Variants in AKR1E2 observed in about 807,000 individuals in gnomAD.
AKR1E2 encodes 1,5-anhydro-D-fructose reductase.
Under a neutral mutation model 41.9 loss-of-function variants are expected in AKR1E2, and 43 were observed. That is an observed-to-expected ratio of 1.03 (90% CI 0.80 to 1.32). The LOEUF is 1.32. Ranked by LOEUF, AKR1E2 falls within the 40% of genes most tolerant of loss-of-function variation. The pLI, the probability that AKR1E2 is intolerant of heterozygous loss-of-function variation, is 0.00. For synonymous variants in AKR1E2, 121 were observed against 138.9 expected (o/e 0.87, Z 0.91); for missense variants, 423 against 396.5 (o/e 1.07, Z -0.57).
intron 5 of AKR1E2, among the ~76,000 whole-genome samples, chr10:4,838,925 A>G (rs1425437525): frequency 6.6e-6 from 1 of 152,210 alleles, no homozygotes; most frequent in East Asian, 1.9e-4. Context: ...GACACCAGGA[A>G]CACAGGATGC....
At chr10:4,841,208 T>C (rs1438110830) in intron 6 of AKR1E2, among the ~76,000 whole-genome samples, 1 of 152,116 alleles carries the variant, frequency 6.6e-6, no homozygotes, top group Non-Finnish European at 1.5e-5. Context: ...GCACAATGCC[T>C]GAAACAGGGT....
At chr10:4,840,864 C>T (rs1056870442) in intron 6 of AKR1E2, among the ~76,000 whole-genome samples, 3 of 152,176 alleles carry the variant, frequency 2.0e-5, no homozygotes, top group Non-Finnish European at 4.4e-5. Context: ...ATTTTCTTCT[C>T]AGTCCCTTCC....
chr10:4,853,571 C>T, the AKR1E2 span, among the ~76,000 whole-genome samples: 7 of 152,140 alleles, frequency 4.6e-5, no homozygotes, highest in East Asian at 1.9e-4. Context: ...GGTCTGGTTA[C>T]AGCTTAGTTT....
chr10:4,866,724 T>C, the AKR1E2 span, among the ~76,000 whole-genome samples: 1 of 146,594 alleles, frequency 6.8e-6, no homozygotes, highest in South Asian at 2.2e-4. Context: ...CACTGCAGGC[T>C]CCGGGAGCAG....
chr10:4,837,614 T>C, intron 5 of AKR1E2, 33 bp downstream of exon 5: 1 of 1,592,034 alleles, frequency 6.3e-7, no homozygotes, highest in Non-Finnish European at 8.6e-7. Flanking sequence ...GAGTTTAACC[T>C]GTGTGGCTGG....
intron 4 of AKR1E2, 65 bp downstream of exon 4, chr10:4,835,874 C>A: frequency 6.3e-7 from 1 of 1,579,674 alleles, no homozygotes; most frequent in Non-Finnish European, 8.6e-7. Context: ...ATGCAGTGAG[C>A]CCTGAGCTGC....
downstream of AKR1E2, among the ~76,000 whole-genome samples, chr10:4,849,180 C>T (rs933051658): frequency 6.6e-6 from 1 of 152,076 alleles, no homozygotes; most frequent in African/African-American, 2.4e-5. Context: ...ACCAAATTTC[C>T]AGGGAGAGTT....
chr10:4,858,395 T>G, the AKR1E2 span, among the ~76,000 whole-genome samples: 2 of 152,260 alleles, frequency 1.3e-5, no homozygotes, highest in Non-Finnish European at 2.9e-5. Flanking sequence ...TACAGCAGGC[T>G]GAATCCTATA....
At chr10:4,846,407 A>C (rs1019274220) in intron 8 of AKR1E2, among the ~76,000 whole-genome samples, 3 of 152,186 alleles carry the variant, frequency 2.0e-5, no homozygotes, top group Non-Finnish European at 4.4e-5. Context: ...GATCACTCAG[A>C]AAATGTACTC....
chr10:4,829,462 T>A lies in AKR1E2; in HGVS notation c.40-1213T>A, dbSNP rs188144328. Among the ~76,000 whole-genome samples the A allele has an allele frequency of 5.6e-3, 847 of 152,328 alleles. 5 individuals carry two copies. Among genetic ancestry groups the A allele is most frequent in the Non-Finnish European group, 9.2e-3 (629 of 68,006 alleles). On this transcript the variant is annotated intron_variant, in intron 1 of 9. Coordinates refer to ENST00000298375, the MANE Select transcript of AKR1E2 (RefSeq NM_001040177.3). ...GTGACTTTTAATATTTTTGTCTGAT[T>A]TTGATTCAGGGTTATGCTAGTTTTG...
At chr10:4,829,054 T>G (rs1480883559) in intron 1 of AKR1E2, among the ~76,000 whole-genome samples, 1 of 152,166 alleles carries the variant, frequency 6.6e-6, no homozygotes, top group Non-Finnish European at 1.5e-5. Flanking sequence ...TCTTCTTAGT[T>G]GTTCAGGTGC....
intron 1 of AKR1E2, among the ~76,000 whole-genome samples, chr10:4,828,065 G>A (rs907014337): frequency 6.6e-6 from 1 of 152,146 alleles, no homozygotes; most frequent in Non-Finnish European, 1.5e-5. Context: ...ATTTTTAATA[G>A]TGAATAAACA....
chr10:4,830,835 C>T lies in AKR1E2; in HGVS notation c.200C>T (p.Ala67Val), dbSNP rs765683675. ...GAVRREDLFI[A>V]TKLWCTCHKK... Reference sequence around the variant, plus strand: ...GTAAGACGGGAGGATCTGTTCATTGCCACTAAGGTAGGGCTTCTCTATGCA... The same window carrying T: ...GTAAGACGGGAGGATCTGTTCATTGTCACTAAGGTAGGGCTTCTCTATGCA... Residue 67 changes from alanine (A) to valine (V), a missense_variant, in exon 2 of 10, where the codon GCC becomes GTC. Transcript: ENST00000298375. The T allele has an allele frequency of 5.0e-6, 8 of 1,613,928 alleles. No homozygotes were observed. Among genetic ancestry groups the T allele is most frequent in the Non-Finnish European group, 6.8e-6 (8 of 1,179,964 alleles).
intron 8 of AKR1E2, among the ~76,000 whole-genome samples, chr10:4,846,595 G>T (rs994215671): frequency 2.0e-5 from 3 of 151,558 alleles, no homozygotes; most frequent in African/African-American, 7.3e-5. Context: ...ATCCAAGCTG[G>T]AGTGCAGTGG....
Position 4,841,667 on chromosome 10 carries a change from G to T in AKR1E2, c.681-118G>T, listed in dbSNP as rs112765066. 9.8e-3 allele frequency: 6,947 copies of T among 711,154 alleles called. 40 individuals carry two copies. The highest frequency in any genetic ancestry group is 0.012 in the Non-Finnish European group (5,547 of 468,172). 44.1% of individuals were successfully genotyped at this position (711,154 alleles called of 1,614,324 possible). On this transcript the variant is annotated intron_variant, in intron 6 of 9. Coordinates refer to ENST00000298375, the MANE Select transcript of AKR1E2 (RefSeq NM_001040177.3). The stretch of plus-strand genomic sequence containing the variant: ...CTGCATTTTAAAATTTCCTGTAGTC[G>T]GCATGTGTCATGATCAGAAAATAAA...
the AKR1E2 span, among the ~76,000 whole-genome samples, chr10:4,856,407 C>A: frequency 1.3e-5 from 2 of 152,142 alleles, no homozygotes; most frequent in South Asian, 2.1e-4. Flanking sequence ...CTGCTTATGA[C>A]CTGCTCTTTA....
At chr10:4,835,061 G>T (rs886546436) in intron 3 of AKR1E2, among the ~76,000 whole-genome samples, 1 of 152,230 alleles carries the variant, frequency 6.6e-6, no homozygotes, top group Admixed American at 6.5e-5. Context: ...GTTTAGGAGT[G>T]TGATTAGGTG....
Position 4,837,549 on chromosome 10 carries a change from C to G in AKR1E2, c.550C>G (p.Pro184Ala). Residue 184 changes from proline to alanine, a missense_variant, in exon 5 of 10, where the codon CCT (proline) becomes GCT (alanine). Pro to Ala is a conservative substitution (Grantham distance 27). Coordinates refer to ENST00000298375, the MANE Select transcript of AKR1E2 (RefSeq NM_001040177.3). ...HEQLERLLNK[P>A]GLRFKPLTNQ... is the part of the protein sequence containing the mutation. ...ACAGCTTGAGAGGCTTTTGAATAAG[C>G]CTGGGTTGAGGTTCAAGCCACTAAC... 1 of 1,613,898 alleles carries G rather than the reference C, an allele frequency of 6.2e-7. No homozygotes were observed. Among genetic ancestry groups the G allele is most frequent in the Non-Finnish European group, 8.5e-7 (1 of 1,179,920 alleles).
chr10:4,846,422 A>G (rs994084374), intron 8 of AKR1E2, among the ~76,000 whole-genome samples: 6 of 152,154 alleles, frequency 3.9e-5, no homozygotes, highest in African/African-American at 1.2e-4. Flanking sequence ...GTACTCTGTG[A>G]TATGGGTACT....
Sources: gnomAD v4.1 joint callset for allele counts (sites outside exome capture counted in the v4.1 genomes callset) on GRCh38, gnomAD v4.1.1 for gene constraint, MANE v1.5 for transcripts, NCBI Gene and HGNC (gene_info 2026-07-23, HGNC 2026-07-21) for gene names.